COL13A1: variants seen among roughly 807,000 people sequenced by gnomAD.
The protein encoded by COL13A1 is collagen type XIII alpha 1 chain, also known as collagen alpha-1(XIII) chain.
In COL13A1, 89 loss-of-function variants were observed where a neutral mutation model predicts 130.9. That is an observed-to-expected ratio of 0.68 (90% CI 0.57 to 0.81). The LOEUF (loss-of-function observed/expected upper bound fraction) is 0.81, where lower values mean the gene tolerates loss of function less well. Among genes scored for constraint, COL13A1 ranks in the 30% least tolerant of loss-of-function variants. COL13A1 has a pLI of 0.00. For missense variants in COL13A1, 879 were observed against 934.6 expected (o/e 0.94, Z 0.78); for synonymous variants, 402 against 341.6 (o/e 1.18, Z -1.95).
chr10:69,941,820 T>C (rs1055600634), intron 35 of COL13A1, among the ~76,000 whole-genome samples: 1 of 152,198 alleles, frequency 6.6e-6, no homozygotes, highest in Admixed American at 6.5e-5. Flanking sequence ...GAGCGCCCTC[T>C]GAGGTCAACC....
intron 1 of COL13A1, among the ~76,000 whole-genome samples, chr10:69,805,843 G>C (rs1024058415): frequency 6.6e-6 from 1 of 152,234 alleles, no homozygotes; most frequent in Non-Finnish European, 1.5e-5. Context: ...CCACAGGACA[G>C]GAGAATTCAG....
chr10:69,936,426 T>C (rs2066929288), intron 32 of COL13A1, among the ~76,000 whole-genome samples: 1 of 152,202 alleles, frequency 6.6e-6, no homozygotes, highest in Non-Finnish European at 1.5e-5. Flanking sequence ...ACTTATTGGA[T>C]GCTAGACACT....
At chr10:69,913,747 G>A (rs567793256) in intron 17 of COL13A1, among the ~76,000 whole-genome samples, 106 of 152,258 alleles carry the variant, frequency 7.0e-4, no homozygotes, top group African/African-American at 2.4e-3. Flanking sequence ...GGTCAGGCAG[G>A]GGCAGGTCCC....
chr10:69,826,423 T>A (rs571342580), intron 2 of COL13A1, among the ~76,000 whole-genome samples: 1 of 152,268 alleles, frequency 6.6e-6, no homozygotes, highest in South Asian at 2.1e-4. Context: ...AGTGGTGGCA[T>A]GGGGGTGATG....
intron 2 of COL13A1, among the ~76,000 whole-genome samples, chr10:69,863,177 A>G (rs1328428878): frequency 6.6e-6 from 1 of 152,096 alleles, no homozygotes; most frequent in Non-Finnish European, 1.5e-5. Flanking sequence ...GGCTCTGTGC[A>G]TTGTCTTTTC....
At chr10:69,894,646 C>T in intron 11 of COL13A1, 29 bp from the exon 12 acceptor site, 1 of 1,614,006 alleles carries the variant, frequency 6.2e-7, no homozygotes. Flanking sequence ...GCTTTGGTTT[C>T]TAACTCTCTC....
rs181488392 is a variant in COL13A1 at position 69,937,632 on chromosome 10, C to T, written c.1798-3C>T. ...GATCTCGTCCCCTCTCCCTTTCCTC[C>T]AGGGGGAAGCAGGACTAGATGGAGC... is the stretch of plus-strand genomic sequence containing the variant. On this transcript the variant is annotated splice_polypyrimidine_tract_variant and splice_region_variant and intron_variant, in intron 33 of 40. Coordinates refer to ENST00000645393, the MANE Select transcript of COL13A1 (RefSeq NM_001368882.1). The T allele has an allele frequency of 3.4e-3, 4,869 of 1,452,116 alleles. 76 individuals carry two copies. The highest frequency in any genetic ancestry group is 0.032 in the South Asian group (2,814 of 87,458). The allele number at this position is 1,452,116 out of a possible 1,614,324, so 90.0% of individuals were successfully genotyped here. A position where few individuals can be genotyped will look rare whatever the true frequency, so the allele number is the denominator to read the frequency against.
intron 2 of COL13A1, among the ~76,000 whole-genome samples, chr10:69,859,406 T>C (rs1004565843): frequency 6.6e-6 from 1 of 151,976 alleles, no homozygotes. Flanking sequence ...AGGGGTGGCA[T>C]TCGACATGAG....
At chr10:69,906,455 G>A (rs1589431374) in intron 17 of COL13A1, among the ~76,000 whole-genome samples, 2 of 152,214 alleles carry the variant, frequency 1.3e-5, no homozygotes, top group South Asian at 4.2e-4. Context: ...GTGGGCTGGG[G>A]GGCCCTGTTC....
At chr10:69,939,001 C>T (rs139181285) in intron 34 of COL13A1, among the ~76,000 whole-genome samples, 130 of 152,248 alleles carry the variant, frequency 8.5e-4, no homozygotes, top group African/African-American at 2.9e-3. Context: ...AAAGGCACAG[C>T]GACCAAACAG....
At chr10:69,947,018 G>C (rs1217017191) in intron 37 of COL13A1, among the ~76,000 whole-genome samples, 2 of 152,280 alleles carry the variant, frequency 1.3e-5, no homozygotes, top group Non-Finnish European at 1.5e-5. Context: ...TCGATCTCTG[G>C]ACCTCGTGAT....
At chr10:69,908,860 G>A (rs955863844) in intron 17 of COL13A1, among the ~76,000 whole-genome samples, 4 of 151,482 alleles carry the variant, frequency 2.6e-5, no homozygotes, top group African/African-American at 4.8e-5. Flanking sequence ...ATGACTAGAA[G>A]TAGAGCAAGT....
intron 1 of COL13A1, among the ~76,000 whole-genome samples, chr10:69,809,477 A>T (rs1842410102): frequency 6.6e-6 from 1 of 152,238 alleles, no homozygotes. Flanking sequence ...TATTGTTACT[A>T]TTCCCTTCTT....
intron 6 of COL13A1, among the ~76,000 whole-genome samples, chr10:69,879,911 C>T (rs1225739817): frequency 6.6e-6 from 1 of 152,190 alleles, no homozygotes; most frequent in Non-Finnish European, 1.5e-5. Flanking sequence ...CTTTCAGGGT[C>T]AGGGATGCTG....
chr10:69,866,649 C>T (rs2058548448), intron 2 of COL13A1, among the ~76,000 whole-genome samples: 2 of 152,100 alleles, frequency 1.3e-5, no homozygotes, highest in South Asian at 2.1e-4. Flanking sequence ...CCAGGCTCTA[C>T]ACCTCTTGAC....
Position 69,802,728 on chromosome 10 carries a change from T to C in COL13A1, c.294+11T>C, listed in dbSNP as rs754448889. ...CAACTGCTGGACGAGGTCTGTGCTC[T>C]TTGTTGCTGGCTTTTATCCCTCCCC... On this transcript the variant is annotated intron_variant, in intron 1 of 40. Transcript: ENST00000645393. 1 of 1,609,484 alleles carries C rather than the reference T, an allele frequency of 6.2e-7. No individual in the cohort carries two copies. The highest frequency in any genetic ancestry group is 1.7e-5 in the Admixed American group (1 of 59,888).
intron 2 of COL13A1, among the ~76,000 whole-genome samples, chr10:69,851,322 G>C (rs1447883175): frequency 3.9e-5 from 6 of 152,188 alleles, no homozygotes; most frequent in Non-Finnish European, 8.8e-5. Flanking sequence ...AAACAATTTT[G>C]CCAAAGTCTG....
chr10:69,802,048 T>C lies in COL13A1; in HGVS notation c.-376T>C. 1 of 186,960 alleles carries C rather than the reference T, an allele frequency of 5.3e-6. No individual in the cohort carries two copies. The highest frequency in any genetic ancestry group is 1.1e-5 in the Non-Finnish European group (1 of 91,914). The allele number at this position is 186,960 out of a possible 1,614,324, so 11.6% of individuals were successfully genotyped here. A position where few individuals can be genotyped will look rare whatever the true frequency, so the allele number is the denominator to read the frequency against. On this transcript the variant is annotated 5_prime_UTR_variant, in exon 1 of 41. Coordinates refer to ENST00000645393, the MANE Select transcript of COL13A1 (RefSeq NM_001368882.1). Reference sequence around the variant, plus strand: ...CCTTCGCCCGGGGACTGAAACTGACTGGCCCGGGAGACACGAGGCGCCCAG... The same window carrying C: ...CCTTCGCCCGGGGACTGAAACTGACCGGCCCGGGAGACACGAGGCGCCCAG...
intron 6 of COL13A1, among the ~76,000 whole-genome samples, chr10:69,878,847 C>T (rs1752423257): frequency 1.3e-5 from 2 of 152,262 alleles, no homozygotes; most frequent in South Asian, 2.1e-4. Flanking sequence ...AAGGAAGGAG[C>T]AGGGCTGGCC....
Sources: allele counts gnomAD v4.1 joint callset (sites outside exome capture counted in the v4.1 genomes callset), GRCh38; gene constraint gnomAD v4.1.1; transcripts MANE v1.5; gene names NCBI Gene and HGNC (gene_info 2026-07-23, HGNC 2026-07-21).